The following MAOA variants were observed in gnomAD, a reference collection of about 807,000 sequenced individuals.
MAOA encodes the protein amine oxidase [flavin-containing] A.
MAOA carries 6 observed loss-of-function variants against 42.0 expected under a neutral mutation model. The observed-to-expected ratio is 0.14, with a 90% CI of 0.08 to 0.28. The LOEUF is 0.28. Among genes scored for constraint, MAOA ranks in the 10% least tolerant of loss-of-function variants. The pLI, the probability that MAOA is intolerant of heterozygous loss-of-function variation, is 1.00. For missense variants in MAOA, 262 were observed against 422.3 expected (o/e 0.62, Z 3.33); for synonymous variants, 140 against 154.0 (o/e 0.91, Z 0.67).
intron 3 of MAOA, among the ~76,000 whole-genome samples, chrX:43,708,758 G>T (rs1312286260): frequency 2.8e-5 from 3 of 108,627 alleles, no homozygotes; most frequent in Non-Finnish European, 5.7e-5. Flanking sequence ...CGCCTCCAGG[G>T]TTCAAGCAAT....
intron 5 of MAOA, among the ~76,000 whole-genome samples, chrX:43,719,927 A>G (rs1253611083): frequency 1.8e-5 from 2 of 111,110 alleles, no homozygotes; most frequent in Admixed American, 9.6e-5. Context: ...AATGAACCAC[A>G]CTGGTGGTGC....
intron 3 of MAOA, among the ~76,000 whole-genome samples, chrX:43,706,470 A>G (rs2033659798): frequency 9.0e-6 from 1 of 111,011 alleles, no homozygotes; most frequent in South Asian, 3.8e-4. Flanking sequence ...GGAGAAGATG[A>G]CATAAATTTC....
chrX:43,655,307 GA>G (rs1307451685), upstream of MAOA: 2 of 112,614 alleles, frequency 1.8e-5, no homozygotes, highest in Non-Finnish European at 3.7e-5. Flanking sequence ...TGTCCGAATG[GA>G]GCGTCCGTTC....
chrX:43,740,289 T>C (rs746608642), intron 10 of MAOA, among the ~76,000 whole-genome samples: 1 of 112,263 alleles, frequency 8.9e-6, no homozygotes, highest in Non-Finnish European at 1.9e-5. Flanking sequence ...TATAGACTTA[T>C]AAAAGGGATC....
At chrX:43,727,676 C>T (rs1057269438) in intron 5 of MAOA, among the ~76,000 whole-genome samples, 16 of 112,858 alleles carry the variant, frequency 1.4e-4, no homozygotes, top group African/African-American at 3.9e-4. Flanking sequence ...GTGGGAAAAG[C>T]GCAGTATCTG....
intron 1 of MAOA, among the ~76,000 whole-genome samples, chrX:43,683,283 G>A (rs1457895206): frequency 1.8e-5 from 2 of 111,885 alleles, no homozygotes; most frequent in East Asian, 5.6e-4. Flanking sequence ...TTTTGTTTCT[G>A]TTGACCAACT....
intron 2 of MAOA, among the ~76,000 whole-genome samples, chrX:43,686,595 T>A (rs1319900747): frequency 1.8e-5 from 2 of 111,635 alleles, no homozygotes; most frequent in African/African-American, 6.5e-5. Flanking sequence ...GCTTGGGAGT[T>A]TGAGAACAGC....
Position 43,677,118 on chromosome X carries a change from TGGA to T in MAOA, c.74-6393_74-6391del, listed in dbSNP as rs202020890. ...GTAAAGCAAATGGCCCTGGGAGAGG[TGGA>T]GAAGGCAGGGCTAAGTGTGGAAGCT... On this transcript the variant is annotated intron_variant, in intron 1 of 14. Transcript: ENST00000338702. Among the ~76,000 whole-genome samples the T allele has an allele frequency of 1.0e-2, 1,109 of 111,313 alleles. 16 individuals carry two copies. The highest frequency in any genetic ancestry group is 0.033 in the African/African-American group (1,017 of 30,562).
chrX:43,742,067 C>A lies in MAOA; in HGVS notation c.1262+20C>A. ...TGGAAGGTATTACGCAAGCACTACGCCAATTAATCCAAGACCTGTGCCAAA... is the reference window on the plus strand; with the variant it reads ...TGGAAGGTATTACGCAAGCACTACGACAATTAATCCAAGACCTGTGCCAAA... On this transcript the variant is annotated intron_variant, in intron 12 of 14. Coordinates refer to ENST00000338702, the MANE Select transcript of MAOA (RefSeq NM_000240.4). 8.3e-7 allele frequency: 1 copy of A among 1,210,206 alleles called. No individual in the cohort carries two copies. Among genetic ancestry groups the A allele is most frequent in the Non-Finnish European group, 1.1e-6 (1 of 894,986 alleles).
At chrX:43,743,186 C>A (rs1255713340) in intron 12 of MAOA, among the ~76,000 whole-genome samples, 1 of 111,209 alleles carries the variant, frequency 9.0e-6, no homozygotes, top group African/African-American at 3.3e-5. Context: ...TCCATTCAGT[C>A]CAGCCCTTCT....
At chrX:43,728,466 T>G in intron 6 of MAOA, 152 bp downstream of exon 6, 1 of 634,908 alleles carries the variant, frequency 1.6e-6, no homozygotes, top group Non-Finnish European at 2.5e-6. Context: ...AAAAAAAAAT[T>G]TCTCATTTCC....
chrX:43,666,315 G>C (rs1244416279), intron 1 of MAOA, among the ~76,000 whole-genome samples: 4 of 111,963 alleles, frequency 3.6e-5, no homozygotes, highest in Non-Finnish European at 7.5e-5. Flanking sequence ...TCCCCTGGCT[G>C]TTTCCAACTT....
chrX:43,736,240 C>A lies in MAOA; in HGVS notation c.1066C>A (p.Arg356=). The A allele has an allele frequency of 8.4e-7, 1 of 1,196,952 alleles. No homozygotes were observed. The highest frequency in any genetic ancestry group is 1.8e-5 in the South Asian group (1 of 56,289). The change falls in exon 10 of 15, where the codon CGG becomes AGG. Residue 356 remains arginine, a synonymous_variant. Coordinates refer to ENST00000338702, the MANE Select transcript of MAOA (RefSeq NM_000240.4). ...CTCTCTCTCCAGCTTCATTCTTGCC[C>A]GGAAAGCTGATCGACTTGCTAAGCT... ...LPAIMGFILA[R]KADRLAKLHK...
Position 43,660,959 on chromosome X carries a change from C to T in MAOA, c.73+4545C>T, listed in dbSNP as rs750969837. Among the ~76,000 whole-genome samples, 3 of 112,022 alleles carry T rather than the reference C, an allele frequency of 2.7e-5. No individual in the cohort carries two copies. In the East Asian group the frequency reaches 8.4e-4, roughly 31 times the overall value. On this transcript the variant is annotated intron_variant, in intron 1 of 14. Coordinates refer to ENST00000338702, the MANE Select transcript of MAOA (RefSeq NM_000240.4). ...ACCTCCAGGGGACAATGTATACTTC[C>T]TTCATGAGTCTGTTTGGAATTTGAG...
chrX:43,744,285 T>C, intron 14 of MAOA, 82 bp from the exon 15 acceptor site: 1 of 1,127,920 alleles, frequency 8.9e-7, no homozygotes, highest in Non-Finnish European at 1.2e-6. Flanking sequence ...ATCCCAGGGG[T>C]CTCCATGCAT....
At chrX:43,667,129 T>C (rs181357524) in intron 1 of MAOA, among the ~76,000 whole-genome samples, 129 of 110,384 alleles carry the variant, frequency 1.2e-3, no homozygotes, top group African/African-American at 4.0e-3. Context: ...CCCTAGAACT[T>C]AAAGTATATA....
At chrX:43,732,440 T>C (rs1403235226) in intron 8 of MAOA, among the ~76,000 whole-genome samples, 1 of 111,164 alleles carries the variant, frequency 9.0e-6, no homozygotes, top group Non-Finnish European at 1.9e-5. Flanking sequence ...CAGGGTTATC[T>C]TACCATTTTT....
intron 3 of MAOA, 67 bp from the exon 4 acceptor site, chrX:43,711,805 T>A (rs1252352124): frequency 8.9e-6 from 8 of 901,198 alleles, no homozygotes; most frequent in Non-Finnish European, 1.3e-5. Context: ...TTTTTGTTGT[T>A]TTAGAACACC....
intron 1 of MAOA, among the ~76,000 whole-genome samples, chrX:43,680,376 A>AT (rs1480667221): frequency 3.6e-5 from 4 of 111,372 alleles, no homozygotes; most frequent in Non-Finnish European, 3.8e-5. Flanking sequence ...TGAGTAGGGA[A>AT]TAAAAAAACA....
Sources: gnomAD v4.1 joint callset for allele counts (sites outside exome capture counted in the v4.1 genomes callset) on GRCh38, gnomAD v4.1.1 for gene constraint, MANE v1.5 for transcripts, NCBI Gene and HGNC (gene_info 2026-07-23, HGNC 2026-07-21) for gene names.